ELAVL4: variants seen among roughly 807,000 people sequenced by gnomAD.
ELAVL4 encodes the protein ELAV-like protein 4.
ELAVL4 carries 1 observed loss-of-function variant against 35.6 expected under a neutral mutation model. That is an observed-to-expected ratio of 0.03 (90% CI 0.01 to 0.13). The LOEUF (loss-of-function observed/expected upper bound fraction) is 0.13, where lower values mean the gene tolerates loss of function less well. ELAVL4 is among the 10% of genes least tolerant of loss of function. The pLI is 1.00. For synonymous variants in ELAVL4, 156 were observed against 171.0 expected, an observed-to-expected ratio of 0.91 and a Z score of 0.69; for missense variants, 267 against 464.9, an observed-to-expected ratio of 0.57 and a Z score of 3.91.
At chr1:50,080,123 A>G (rs1259725778) in intron 1 of ELAVL4, among the ~76,000 whole-genome samples, 2 of 152,198 alleles carry the variant, frequency 1.3e-5, no homozygotes, top group African/African-American at 4.8e-5. Context: ...TATTCCATAC[A>G]GTCTCAGAGA....
upstream of ELAVL4, among the ~76,000 whole-genome samples, chr1:50,105,088 C>T (rs1666200121): frequency 6.6e-6 from 1 of 151,898 alleles, no homozygotes; most frequent in Admixed American, 6.6e-5. Context: ...TATTTTTTTT[C>T]GGTGTCTTTA....
At chr1:50,180,069 G>A (rs1290996423) in intron 3 of ELAVL4, 3 of 151,920 alleles carry the variant, frequency 2.0e-5, no homozygotes, top group African/African-American at 4.8e-5. Flanking sequence ...TTATGTAGGT[G>A]GGCCAAACAG....
At chr1:50,096,448 A>T (rs1260444842) in intron 1 of ELAVL4, among the ~76,000 whole-genome samples, 1 of 150,266 alleles carries the variant, frequency 6.7e-6, no homozygotes, top group Non-Finnish European at 1.5e-5. Flanking sequence ...GAGAGAATAG[A>T]TGGTCATATC....
chr1:50,066,438 C>G (rs979757815), intron 1 of ELAVL4, among the ~76,000 whole-genome samples: 1 of 152,130 alleles, frequency 6.6e-6, no homozygotes, highest in African/African-American at 2.4e-5. Flanking sequence ...TTCATCATTT[C>G]ATGTTCTACC....
chr1:50,200,832 C>A lies in ELAVL4; in HGVS notation c.774-19C>A. On this transcript the variant is annotated intron_variant, in intron 6 of 6. Transcript: ENST00000371824. The stretch of plus-strand genomic sequence containing the variant: ...AGACTGATGTCTGGACCAGTCCCCC[C>A]TTCTGCTTGTCCCCCCAGGTTCTCC... The A allele has an allele frequency of 6.2e-7, 1 of 1,608,110 alleles. No individual in the cohort carries two copies. The highest frequency in any genetic ancestry group is 8.5e-7 in the Non-Finnish European group (1 of 1,177,128).
upstream of ELAVL4, chr1:50,106,145 G>A (rs941577414): frequency 1.3e-5 from 6 of 454,058 alleles, no homozygotes; most frequent in Non-Finnish European, 1.9e-5. Flanking sequence ...AGTTTCAGCC[G>A]GCTGCTGTTT....
intron 1 of ELAVL4, among the ~76,000 whole-genome samples, chr1:50,126,449 A>T (rs953398292): frequency 6.6e-6 from 1 of 152,018 alleles, no homozygotes; most frequent in East Asian, 1.9e-4. Flanking sequence ...GATGAAGGGG[A>T]TGGATGATTT....
At chr1:50,067,883 G>A (rs370167681) in intron 1 of ELAVL4, among the ~76,000 whole-genome samples, 1 of 152,094 alleles carries the variant, frequency 6.6e-6, no homozygotes, top group Non-Finnish European at 1.5e-5. Flanking sequence ...GCAAAAGGTG[G>A]AAAAGCCCCT....
chr1:50,122,981 G>A (rs571785452), intron 1 of ELAVL4, among the ~76,000 whole-genome samples: 1 of 152,052 alleles, frequency 6.6e-6, no homozygotes, highest in Non-Finnish European at 1.5e-5. Context: ...TAGTAAAGGA[G>A]ACATGGCCCC....
chr1:50,191,011 C>T (rs920481450), intron 3 of ELAVL4, among the ~76,000 whole-genome samples: 1 of 152,228 alleles, frequency 6.6e-6, no homozygotes, highest in Non-Finnish European at 1.5e-5. Context: ...TCTCCCTCCT[C>T]TGTGTTTTAG....
At chr1:50,050,797 A>G (rs1383512434) in intron 1 of ELAVL4, among the ~76,000 whole-genome samples, 2 of 152,218 alleles carry the variant, frequency 1.3e-5, no homozygotes, top group Non-Finnish European at 1.5e-5. Context: ...TCCATTATTC[A>G]CAGTTGCTGA....
chr1:50,144,365 TA>T (rs878951210), intron 1 of ELAVL4, among the ~76,000 whole-genome samples: 162 of 144,800 alleles, frequency 1.1e-3, no homozygotes, highest in Admixed American at 9.6e-4. Context: ...ATGGCTAGAT[TA>T]AAAAAAAAAA....
At chr1:50,052,106 T>A (rs1207374886) in intron 1 of ELAVL4, among the ~76,000 whole-genome samples, 6 of 152,158 alleles carry the variant, frequency 3.9e-5, no homozygotes, top group Non-Finnish European at 7.4e-5. Flanking sequence ...ATACTGGGGG[T>A]TAGCACTTCA....
At chr1:50,118,740 A>G (rs1668379283) in intron 1 of ELAVL4, among the ~76,000 whole-genome samples, 1 of 152,002 alleles carries the variant, frequency 6.6e-6, no homozygotes. Context: ...AAGAAATAAT[A>G]CAAATTGTCC....
intron 1 of ELAVL4, among the ~76,000 whole-genome samples, chr1:50,094,473 G>T (rs1665626919): frequency 6.6e-6 from 1 of 152,166 alleles, no homozygotes; most frequent in Admixed American, 6.6e-5. Context: ...TGAAGGTAAA[G>T]ATACGTTGAT....
chr1:50,144,579 G>T, intron 1 of ELAVL4: 1 of 471,546 alleles, frequency 2.1e-6, no homozygotes, highest in East Asian at 5.8e-5. Context: ...AGCTTTTTCA[G>T]CTTTAATGGA....
rs546403866 is a variant in ELAVL4 at position 50,183,122 on chromosome 1, T to G, written c.354+5930T>G. 2.0e-5 allele frequency among the ~76,000 whole-genome samples: 3 copies of G among 152,296 alleles called. No individual in the cohort carries two copies. In the South Asian group the frequency reaches 6.2e-4, roughly 32 times the overall value. On this transcript the variant is annotated intron_variant, in intron 3 of 6. Transcript: ENST00000371824. Reference sequence around the variant, plus strand: ...ATCTGCCCACCTTGGCCTCCCAAAGTGCTGGGATTACGGGTGTGAGCCACT... The same window carrying G: ...ATCTGCCCACCTTGGCCTCCCAAAGGGCTGGGATTACGGGTGTGAGCCACT...
chr1:50,095,945 T>C (rs769254511), intron 1 of ELAVL4, among the ~76,000 whole-genome samples: 2 of 152,190 alleles, frequency 1.3e-5, no homozygotes, highest in Non-Finnish European at 2.9e-5. Context: ...TTTTAGTCAC[T>C]TGAACATTTC....
At chr1:50,124,694 C>G (rs764296600) in intron 1 of ELAVL4, among the ~76,000 whole-genome samples, 27 of 152,104 alleles carry the variant, frequency 1.8e-4, no homozygotes, top group Non-Finnish European at 3.4e-4. Context: ...GCAATCACAG[C>G]TCACTGCAGC....
Sources: gnomAD v4.1 joint callset for allele counts (sites outside exome capture counted in the v4.1 genomes callset) on GRCh38, gnomAD v4.1.1 for gene constraint, MANE v1.5 for transcripts, NCBI Gene and HGNC (gene_info 2026-07-23, HGNC 2026-07-21) for gene names.